The following DIAPH2 variants were observed in gnomAD, a reference collection of about 807,000 sequenced individuals.
DIAPH2 encodes the protein diaphanous related formin 2, also known as protein diaphanous homolog 2.
DIAPH2 carries 35 observed loss-of-function variants against 92.7 expected under a neutral mutation model. The ratio of observed to expected loss-of-function variants is 0.38; its 90% CI spans 0.29 to 0.50. DIAPH2 has a LOEUF of 0.50. Ranked by LOEUF, DIAPH2 falls within the 20% of genes least tolerant of loss-of-function variation. The pLI is 0.94. For missense variants in DIAPH2, 701 were observed against 819.5 expected, an observed-to-expected ratio of 0.86 and a Z score of 1.77; for synonymous variants, 301 against 280.4, an observed-to-expected ratio of 1.07 and a Z score of -0.73.
chrX:97,007,770 T>G (rs1185510587), intron 17 of DIAPH2, among the ~76,000 whole-genome samples: 1 of 97,827 alleles, frequency 1.0e-5, no homozygotes, highest in Non-Finnish European at 2.1e-5. Context: ...TCTTTTTTTT[T>G]TTTTTTTTTT....
At chrX:96,689,907 T>G (rs2063790389) in intron 1 of DIAPH2, among the ~76,000 whole-genome samples, 1 of 111,134 alleles carries the variant, frequency 9.0e-6, no homozygotes, top group Non-Finnish European at 1.9e-5. Context: ...GCTGGGGATT[T>G]TTTTCCCCTA....
chrX:96,893,189 C>T (rs988334804), intron 5 of DIAPH2, among the ~76,000 whole-genome samples: 2 of 111,367 alleles, frequency 1.8e-5, no homozygotes, highest in African/African-American at 3.3e-5. Flanking sequence ...ATTCTACTTC[C>T]GTAAGACAAA....
chrX:97,172,881 G>A (rs1825588276), intron 22 of DIAPH2, among the ~76,000 whole-genome samples: 1 of 111,731 alleles, frequency 9.0e-6, no homozygotes, highest in Non-Finnish European at 1.9e-5. Flanking sequence ...CGTTCACTAT[G>A]CCCAGAATAC....
At chrX:96,888,441 T>C (rs1429690253) in intron 5 of DIAPH2, among the ~76,000 whole-genome samples, 2 of 106,098 alleles carry the variant, frequency 1.9e-5, no homozygotes, top group Non-Finnish European at 3.9e-5. Context: ...TAAAAAATAA[T>C]GAAAAATTAT....
intron 26 of DIAPH2, among the ~76,000 whole-genome samples, 160 bp from the exon 27 acceptor site, chrX:97,599,093 C>T (rs774309219): frequency 2.7e-5 from 3 of 112,206 alleles, no homozygotes; most frequent in Admixed American, 1.9e-4. Context: ...GGGCAGCTGC[C>T]GCATGAACTC....
chrX:97,334,993 C>CAAAAAA (rs1314227612), intron 23 of DIAPH2, among the ~76,000 whole-genome samples: 273 of 6,624 alleles, frequency 0.041, 3 homozygotes, highest in African/African-American at 0.064. Flanking sequence ...AAAACAAAAA[C>CAAAAAA]AAAACAAAAA....
intron 19 of DIAPH2, among the ~76,000 whole-genome samples, chrX:97,081,390 A>G (rs753674874): frequency 8.9e-6 from 1 of 112,314 alleles, no homozygotes; most frequent in Non-Finnish European, 1.9e-5. Flanking sequence ...TATGTCTATT[A>G]TTGATTAATG....
chrX:97,591,729 T>G (rs953101468), intron 26 of DIAPH2, among the ~76,000 whole-genome samples: 7 of 112,269 alleles, frequency 6.2e-5, no homozygotes, highest in Admixed American at 5.7e-4. Context: ...TTTCTTCATA[T>G]ATTTATTTGT....
intron 26 of DIAPH2, among the ~76,000 whole-genome samples, chrX:97,586,599 C>T (rs1227951807): frequency 1.8e-5 from 2 of 111,696 alleles, no homozygotes; most frequent in East Asian, 2.8e-4. Context: ...TCTTCACACA[C>T]ACTTTTTTTA....
At chrX:97,425,633 A>G (rs1350603744) in intron 25 of DIAPH2, among the ~76,000 whole-genome samples, 1 of 108,812 alleles carries the variant, frequency 9.2e-6, no homozygotes, top group African/African-American at 3.3e-5. Context: ...AAAAAAAATT[A>G]GCTCCCGCAT....
intron 26 of DIAPH2, among the ~76,000 whole-genome samples, chrX:97,562,012 G>T (rs1000331455): frequency 1.8e-5 from 2 of 111,926 alleles, no homozygotes; most frequent in African/African-American, 6.5e-5. Flanking sequence ...TTGAAAGAGG[G>T]TCTATCTGTA....
chrX:96,847,021 C>T (rs1453268236), intron 4 of DIAPH2, among the ~76,000 whole-genome samples: 1 of 111,279 alleles, frequency 9.0e-6, no homozygotes, highest in Non-Finnish European at 1.9e-5. Flanking sequence ...CCCCTTATTG[C>T]CTTATTGTCA....
rs1285449587 is a variant in DIAPH2, at chrX:97,177,481, A to T, written c.2719+35687A>T. ...ACTTACTGACTTACCTGACTTCTGA[A>T]TTATACTCAGAACAAAACACCTGTA... On this transcript the variant is annotated intron_variant, in intron 22 of 26. Transcript: ENST00000324765. 2.7e-5 allele frequency among the ~76,000 whole-genome samples: 3 copies of T among 111,058 alleles called. No homozygotes were observed. In the Admixed American group the frequency reaches 2.9e-4, roughly 11 times the overall value.
At chrX:96,846,930 G>A (rs1392429099) in intron 4 of DIAPH2, among the ~76,000 whole-genome samples, 3 of 111,151 alleles carry the variant, frequency 2.7e-5, no homozygotes, top group African/African-American at 9.8e-5. Flanking sequence ...GGAATATTCA[G>A]GTCTAGTGGA....
intron 21 of DIAPH2, among the ~76,000 whole-genome samples, chrX:97,127,335 G>A (rs1267281243): frequency 8.9e-6 from 1 of 112,045 alleles, no homozygotes; most frequent in Non-Finnish European, 1.9e-5. Flanking sequence ...CAATATTTCA[G>A]ATTTAAGCAA....
At chrX:97,078,128 G>A (rs1305315392) in intron 19 of DIAPH2, among the ~76,000 whole-genome samples, 2 of 111,251 alleles carry the variant, frequency 1.8e-5, no homozygotes, top group Non-Finnish European at 1.9e-5. Context: ...TGAAACGAGC[G>A]GTTTGAAAAA....
intron 23 of DIAPH2, among the ~76,000 whole-genome samples, chrX:97,336,529 G>C (rs749063066): frequency 9.1e-6 from 1 of 110,000 alleles, no homozygotes; most frequent in East Asian, 2.9e-4. Flanking sequence ...TATTACAGTT[G>C]TGAGCCACAG....
chrX:97,358,537 T>C (rs979187090), intron 24 of DIAPH2, among the ~76,000 whole-genome samples: 14 of 111,900 alleles, frequency 1.3e-4, no homozygotes, highest in Admixed American at 7.6e-4. Flanking sequence ...CAATGTGCAA[T>C]AGTCCAAATT....
At chrX:97,542,393 A>G (rs1430893544) in intron 26 of DIAPH2, among the ~76,000 whole-genome samples, 1 of 112,194 alleles carries the variant, frequency 8.9e-6, no homozygotes, top group African/African-American at 3.2e-5. Flanking sequence ...TGGATGCTAC[A>G]GGCCCAGAAT....
Sources: gnomAD v4.1 joint callset for allele counts (sites outside exome capture counted in the v4.1 genomes callset) on GRCh38, gnomAD v4.1.1 for gene constraint, MANE v1.5 for transcripts, NCBI Gene and HGNC (gene_info 2026-07-23, HGNC 2026-07-21) for gene names.